STARD13: variants seen among roughly 807,000 people sequenced by gnomAD.
STARD13 encodes the protein StAR related lipid transfer domain containing 13.
In STARD13, 62 loss-of-function variants were observed where a neutral mutation model predicts 106.4. The observed-to-expected ratio is 0.58, with a 90% confidence interval of 0.48 to 0.72. STARD13 has a LOEUF of 0.72. STARD13 is among the 30% of genes least tolerant of loss of function. The probability of loss-of-function intolerance (pLI) is 0.00; values close to 1 mark genes in which losing one functional copy is unlikely to be tolerated. For synonymous variants in STARD13, 565 were observed against 553.0 expected, an observed-to-expected ratio of 1.02 and a Z score of -0.31; for missense variants, 1,387 against 1,424.0, an observed-to-expected ratio of 0.97 and a Z score of 0.42.
At chr13:33,579,594 G>C in the STARD13 span, among the ~76,000 whole-genome samples, 1 of 150,998 alleles carries the variant, frequency 6.6e-6, no homozygotes, top group Non-Finnish European at 1.5e-5. Flanking sequence ...ATTTGCCTAT[G>C]TAACCAAAAA....
At chr13:33,566,264 C>T in the STARD13 span, among the ~76,000 whole-genome samples, 1 of 148,338 alleles carries the variant, frequency 6.7e-6, no homozygotes, top group Non-Finnish European at 1.5e-5. Flanking sequence ...ATCTCTTACT[C>T]TGCCTAATTT....
intron 1 of STARD13, among the ~76,000 whole-genome samples, chr13:33,303,563 G>A (rs147928547): frequency 2.6e-5 from 4 of 152,332 alleles, no homozygotes; most frequent in Admixed American, 1.3e-4. Context: ...GACAGATGAT[G>A]TAACAAGTAC....
At chr13:33,224,988 G>A (rs1018917839) in intron 1 of STARD13, among the ~76,000 whole-genome samples, 4 of 152,024 alleles carry the variant, frequency 2.6e-5, no homozygotes, top group African/African-American at 9.7e-5. Flanking sequence ...AGGATAACAG[G>A]ATTTTGTGTG....
chr13:33,533,184 G>T, the STARD13 span, among the ~76,000 whole-genome samples: 1 of 152,138 alleles, frequency 6.6e-6, no homozygotes. Context: ...GTAAACCTGG[G>T]TCTTTTCCCC....
chr13:33,318,696 A>G (rs377224272), intron 1 of STARD13, among the ~76,000 whole-genome samples: 303 of 152,264 alleles, frequency 2.0e-3, no homozygotes, highest in African/African-American at 7.0e-3. Context: ...ATCCAGAAAT[A>G]AAAAGAACTC....
At chr13:33,582,029 G>C in the STARD13 span, among the ~76,000 whole-genome samples, 1 of 152,164 alleles carries the variant, frequency 6.6e-6, no homozygotes, top group Middle Eastern at 3.4e-3. Flanking sequence ...GACCATCCTG[G>C]CTAACACAGT....
the STARD13 span, among the ~76,000 whole-genome samples, chr13:33,444,321 A>G: frequency 2.6e-5 from 4 of 152,190 alleles, no homozygotes; most frequent in Non-Finnish European, 5.9e-5. Context: ...TAATTCATGG[A>G]TAACTATTAG....
the STARD13 span, among the ~76,000 whole-genome samples, chr13:33,667,106 A>G: frequency 6.6e-6 from 1 of 152,216 alleles, no homozygotes; most frequent in Non-Finnish European, 1.5e-5. Flanking sequence ...TTAACCACAT[A>G]TATTTTCCTC....
the STARD13 span, among the ~76,000 whole-genome samples, chr13:33,373,771 T>TA: frequency 0.26 from 38,319 of 149,472 alleles, 5,621 homozygotes; most frequent in African/African-American, 0.39. Flanking sequence ...AGGACACTAT[T>TA]AAAAAAAAAA....
chr13:33,155,104 T>C (rs115838074), intron 3 of STARD13, among the ~76,000 whole-genome samples: 1,631 of 152,268 alleles, frequency 0.011, 25 homozygotes, highest in African/African-American at 0.037. Flanking sequence ...CCTCACATGC[T>C]GGTGACTTCA....
At chr13:33,481,220 A>C in the STARD13 span, among the ~76,000 whole-genome samples, 1 of 152,196 alleles carries the variant, frequency 6.6e-6, no homozygotes, top group Non-Finnish European at 1.5e-5. Flanking sequence ...GAAGTTATTA[A>C]ATTTAGAATA....
At chr13:33,275,533 C>T (rs771379165) in intron 1 of STARD13, among the ~76,000 whole-genome samples, 1 of 152,110 alleles carries the variant, frequency 6.6e-6, no homozygotes, top group African/African-American at 2.4e-5. Flanking sequence ...TTAAGTGACT[C>T]GTCCAAGGTC....
the STARD13 span, among the ~76,000 whole-genome samples, chr13:33,615,786 A>G: frequency 6.6e-6 from 1 of 152,208 alleles, no homozygotes; most frequent in Non-Finnish European, 1.5e-5. Context: ...CACCCAAAGA[A>G]GCCTTTCAGT....
the STARD13 span, among the ~76,000 whole-genome samples, chr13:33,583,938 T>C: frequency 6.6e-6 from 1 of 152,136 alleles, no homozygotes. Flanking sequence ...GATGTACAGA[T>C]ACCTGTTTGT....
chr13:33,605,820 A>G, the STARD13 span, among the ~76,000 whole-genome samples: 1 of 152,198 alleles, frequency 6.6e-6, no homozygotes. Flanking sequence ...CTACTTCGGT[A>G]GTCTCTTGAA....
At chr13:33,499,530 T>C in the STARD13 span, among the ~76,000 whole-genome samples, 1 of 41,358 alleles carries the variant, frequency 2.4e-5, no homozygotes, top group Non-Finnish European at 5.1e-5. Context: ...TTCTTCTTCT[T>C]CTTCTTCTTC....
At chr13:33,262,926 C>T (rs1890723181) in intron 1 of STARD13, among the ~76,000 whole-genome samples, 1 of 152,082 alleles carries the variant, frequency 6.6e-6, no homozygotes, top group African/African-American at 2.4e-5. Context: ...CTCCCCACTC[C>T]AAGTCCTCTC....
chr13:33,669,844 G>A, the STARD13 span, among the ~76,000 whole-genome samples: 1 of 152,072 alleles, frequency 6.6e-6, no homozygotes, highest in South Asian at 2.1e-4. Flanking sequence ...AGAAGAGGAT[G>A]TTCTTCTTAT....
rs751016242 is a variant in STARD13 at position 33,110,605 on chromosome 13, G to A, written c.2829+81C>T. On this transcript the variant is annotated intron_variant, in intron 11 of 13. Coordinates refer to ENST00000336934, the MANE Select transcript of STARD13 (RefSeq NM_178006.4). ...TGTGCCAAGCCCTGTGGACACAGCA[G>A]CTGTTTTCAATGCAAAAACAAATGT... 3.4e-4 allele frequency: 404 copies of A among 1,192,894 alleles called. 1 individual carries two copies. The highest frequency in any genetic ancestry group is 1.0e-4 in the Admixed American group (6 of 58,552). 73.9% of individuals were successfully genotyped at this position (1,192,894 alleles called of 1,614,324 possible).
Sources: gnomAD v4.1 joint callset for allele counts (sites outside exome capture counted in the v4.1 genomes callset) on GRCh38, gnomAD v4.1.1 for gene constraint, MANE v1.5 for transcripts, NCBI Gene and HGNC (gene_info 2026-07-23, HGNC 2026-07-21) for gene names.